The following ITGA11 variants were observed in gnomAD, a reference collection of about 807,000 sequenced individuals.
ITGA11 encodes integrin alpha-11.
Under a neutral mutation model 141.9 loss-of-function variants are expected in ITGA11, and 97 were observed. The ratio of observed to expected loss-of-function variants is 0.68; its 90% CI spans 0.58 to 0.81. The LOEUF is 0.81. ITGA11 is among the 30% of genes least tolerant of loss of function. The probability of loss-of-function intolerance (pLI) is 0.00; values close to 1 mark genes in which losing one functional copy is unlikely to be tolerated. For missense variants in ITGA11, 1,387 were observed against 1,559.2 expected, an observed-to-expected ratio of 0.89 and a Z score of 1.86; for synonymous variants, 658 against 624.6, an observed-to-expected ratio of 1.05 and a Z score of -0.80.
At chr15:68,377,235 A>G (rs1895750828) in intron 2 of ITGA11, among the ~76,000 whole-genome samples, 1 of 152,164 alleles carries the variant, frequency 6.6e-6, no homozygotes, top group South Asian at 2.1e-4. Context: ...CACATTTGTT[A>G]TCTAGTGTTC....
chr15:68,373,843 G>C (rs1022629240), intron 2 of ITGA11, among the ~76,000 whole-genome samples: 4 of 152,190 alleles, frequency 2.6e-5, no homozygotes, highest in African/African-American at 9.7e-5. Context: ...CAGTGGGAGA[G>C]CTGAGAGAAG....
intron 1 of ITGA11, among the ~76,000 whole-genome samples, chr15:68,412,317 A>G (rs985017580): frequency 2.0e-5 from 3 of 152,140 alleles, no homozygotes; most frequent in African/African-American, 7.2e-5. Flanking sequence ...AAGACCCAAC[A>G]TTAGGCAGAG....
In ITGA11 at chr15:68,350,756, C is replaced by A. The variant is rs757238813; in HGVS notation, c.921G>T (p.Gly307=). 5.0e-6 allele frequency: 8 copies of A among 1,613,410 alleles called. No individual in the cohort carries two copies. Among genetic ancestry groups the A allele is most frequent in the South Asian group, 2.2e-5 (2 of 90,986 alleles). ...VAVLGYYNRR[G]INPETFLNEI... is the part of the protein sequence containing the mutation. ...CATTTAGAAAAGTTTCTGGATTGAT[C>A]CCCCTGCGGTTGTAGTAGCCCAGGA... is the stretch of plus-strand genomic sequence containing the variant. The change falls in exon 9 of 30, where the codon GGG becomes GGT. Residue 307 remains glycine (G), a synonymous_variant. Coordinates refer to ENST00000315757, the MANE Select transcript of ITGA11 (RefSeq NM_001004439.2).
rs1165636804 is a variant in ITGA11 at position 68,350,503 on chromosome 15, TACGGAAG to T, written c.1060+107_1060+113del. On this transcript the variant is annotated intron_variant, in intron 9 of 29. Transcript: ENST00000315757. ...CCATGCCTGGCCTGGCATTTATTAT[TACGGAAG>T]ACTCTTGTTAAGCCATTTCGTTTTG... is the stretch of plus-strand genomic sequence containing the variant. 4 of 1,021,466 alleles carry T rather than the reference TACGGAAG, an allele frequency of 3.9e-6. No homozygotes were observed. The African/African-American group carries it at 6.6e-5, about 17-fold the overall frequency. 63.3% of individuals were successfully genotyped at this position (1,021,466 alleles called of 1,614,324 possible). A position where few individuals can be genotyped will look rare whatever the true frequency, so the allele number is the denominator to read the frequency against.
intron 2 of ITGA11, among the ~76,000 whole-genome samples, chr15:68,385,143 G>C (rs1314286973): frequency 1.3e-5 from 2 of 152,254 alleles, no homozygotes; most frequent in Non-Finnish European, 2.9e-5. Context: ...TGAAGAAACT[G>C]TGATCCAGAA....
At chr15:68,378,337 C>T (rs985999989) in intron 2 of ITGA11, among the ~76,000 whole-genome samples, 23 of 152,162 alleles carry the variant, frequency 1.5e-4, no homozygotes, top group Admixed American at 3.3e-4. Context: ...GATAGACGTT[C>T]AGGTGCTTTG....
chr15:68,383,996 G>A (rs1353435527), intron 2 of ITGA11, among the ~76,000 whole-genome samples: 14 of 152,158 alleles, frequency 9.2e-5, no homozygotes, highest in Admixed American at 9.2e-4. Context: ...TTTCTTGGAA[G>A]TTAGTAACAA....
chr15:68,430,991 G>A (rs1307266090), intron 1 of ITGA11, among the ~76,000 whole-genome samples: 1 of 152,226 alleles, frequency 6.6e-6, no homozygotes, highest in Admixed American at 6.5e-5. Flanking sequence ...GCCCCAGCTC[G>A]GGCCTGGAGC....
In ITGA11 at chr15:68,325,593, A is replaced by G. The variant is rs1261615867; in HGVS notation, c.2212-352T>C. On this transcript the variant is annotated intron_variant, in intron 17 of 29. Coordinates refer to ENST00000315757, the MANE Select transcript of ITGA11 (RefSeq NM_001004439.2). The surrounding 1 kb of genome is among the most constrained non-coding windows in gnomAD (Gnocchi z 5.5). ...CCACCCCACCCACCACTCTCTTCAG[A>G]CCAGTTACGCCTGCTGCTCATGTAG... Among the ~76,000 whole-genome samples the G allele has an allele frequency of 1.3e-5, 2 of 152,064 alleles. No individual in the cohort carries two copies. Among genetic ancestry groups the G allele is most frequent in the Non-Finnish European group, 2.9e-5 (2 of 67,994 alleles).
In ITGA11 at chr15:68,316,588, T is replaced by C. The variant is rs142534400; in HGVS notation, c.2715+677A>G. On this transcript the variant is annotated intron_variant, in intron 21 of 29. Transcript: ENST00000315757. ...ACTTATATCTCACCAGGGAGGTGCT[T>C]TGCTAAGGAGCCCTCATCCCCACTC... Among the ~76,000 whole-genome samples the C allele has an allele frequency of 5.2e-3, 797 of 152,296 alleles. 13 individuals are homozygous for C. The highest frequency in any genetic ancestry group is 0.018 in the African/African-American group (755 of 41,560).
chr15:68,367,550 C>G lies in ITGA11; in HGVS notation c.265+1634G>C, dbSNP rs115121596. The stretch of plus-strand genomic sequence containing the variant: ...AAATCCCTCTCCACTTCCATCACCC[C>G]CTAGCCACTCTTATTACAGCACCTG... On this transcript the variant is annotated intron_variant, in intron 3 of 29. Coordinates refer to ENST00000315757, the MANE Select transcript of ITGA11 (RefSeq NM_001004439.2). 8.4e-3 allele frequency among the ~76,000 whole-genome samples: 1,281 copies of G among 152,294 alleles called. 24 individuals are homozygous for G. Among genetic ancestry groups the G allele is most frequent in the African/African-American group, 0.03 (1,236 of 41,558 alleles).
intron 21 of ITGA11, 56 bp downstream of exon 21, chr15:68,317,209 A>T (rs1893609952): frequency 7.8e-7 from 1 of 1,275,056 alleles, no homozygotes. Context: ...TCCCCAAACT[A>T]CCTGTGCCTC....
chr15:68,335,634 C>G lies in ITGA11; in HGVS notation c.1425+63G>C, dbSNP rs1894323976. On this transcript the variant is annotated intron_variant, in intron 12 of 29. Transcript: ENST00000315757. This position sits in a 1 kb window ranked among gnomAD's most constrained non-coding sequence, Gnocchi z 4.9. ...TCCAGGCATGCCTGTATTTACTGCC[C>G]TCCCATTTGTCTGATCTGCCCCCTC... 2 of 1,565,024 alleles carry G rather than the reference C, an allele frequency of 1.3e-6. No homozygotes were observed. Among genetic ancestry groups the G allele is most frequent in the Non-Finnish European group, 1.7e-6 (2 of 1,145,714 alleles).
chr15:68,400,657 TA>T (rs1179507254), intron 2 of ITGA11, among the ~76,000 whole-genome samples: 4 of 55,044 alleles, frequency 7.3e-5, no homozygotes, highest in South Asian at 4.1e-4. Flanking sequence ...TATTATATAA[TA>T]AATATATTAT....
intron 7 of ITGA11, among the ~76,000 whole-genome samples, chr15:68,353,547 A>G (rs561662635): frequency 6.6e-6 from 1 of 152,240 alleles, no homozygotes; most frequent in Non-Finnish European, 1.5e-5. Context: ...TGTCAGGATC[A>G]TATTTCCATA....
chr15:68,405,157 C>T (rs944514360), intron 1 of ITGA11, among the ~76,000 whole-genome samples: 2 of 11,390 alleles, frequency 1.8e-4, no homozygotes, highest in African/African-American at 8.5e-4. Context: ...CCCACTGTCT[C>T]CCTTTTTTTT....
intron 1 of ITGA11, among the ~76,000 whole-genome samples, chr15:68,408,443 T>A (rs1595895383): frequency 6.6e-6 from 1 of 152,000 alleles, no homozygotes; most frequent in Non-Finnish European, 1.5e-5. Context: ...CAGGATGGGG[T>A]CTGTTTGCTA....
At chr15:68,400,716 AT>A (rs1896465432) in intron 2 of ITGA11, among the ~76,000 whole-genome samples, 5 of 21,630 alleles carry the variant, frequency 2.3e-4, no homozygotes, top group African/African-American at 1.1e-3. Flanking sequence ...TAAATATTAT[AT>A]ATTATATAAT....
intron 1 of ITGA11, among the ~76,000 whole-genome samples, chr15:68,409,665 A>G (rs987580025): frequency 6.6e-5 from 10 of 152,082 alleles, no homozygotes; most frequent in Non-Finnish European, 1.5e-4. Context: ...TACCACTTAG[A>G]TAACAATAAT....
Sources: allele counts gnomAD v4.1 joint callset (sites outside exome capture counted in the v4.1 genomes callset), GRCh38; gene constraint gnomAD v4.1.1; non-coding constraint Gnocchi (gnomAD v3.1); transcripts MANE v1.5; gene names NCBI Gene and HGNC (gene_info 2026-07-23, HGNC 2026-07-21).